ARL15: variants seen among roughly 807,000 people sequenced by gnomAD.
The protein encoded by ARL15 is ARF like GTPase 15, also known as ADP-ribosylation factor-like protein 15.
In ARL15, 19 loss-of-function variants were observed where a neutral mutation model predicts 25.2. The observed-to-expected ratio is 0.75, with a 90% confidence interval of 0.53 to 1.10. The LOEUF (loss-of-function observed/expected upper bound fraction) is 1.10. ARL15 is among the 50% of genes least tolerant of loss of function. The pLI is 0.00. For synonymous variants in ARL15, 94 were observed against 86.8 expected, an observed-to-expected ratio of 1.08 and a Z score of -0.46; for missense variants, 220 against 246.0, an observed-to-expected ratio of 0.89 and a Z score of 0.71.
chr5:54,217,791 T>C (rs923070934), intron 1 of ARL15, among the ~76,000 whole-genome samples: 4 of 152,184 alleles, frequency 2.6e-5, no homozygotes, highest in African/African-American at 9.6e-5. Context: ...AACCATTTTA[T>C]ATATTTATAT....
chr5:54,086,701 G>A (rs573075103), intron 4 of ARL15, among the ~76,000 whole-genome samples: 46 of 152,076 alleles, frequency 3.0e-4, no homozygotes, highest in Admixed American at 8.5e-4. Flanking sequence ...ACACTGGTCC[G>A]CTATACTAGA....
At chr5:54,234,391 A>G (rs1756748562) in intron 1 of ARL15, among the ~76,000 whole-genome samples, 1 of 152,114 alleles carries the variant, frequency 6.6e-6, no homozygotes, top group African/African-American at 2.4e-5. Flanking sequence ...GCTATTTGGG[A>G]GCCTTAATAA....
At chr5:53,981,052 A>T (rs1031478866) in intron 4 of ARL15, among the ~76,000 whole-genome samples, 2 of 152,292 alleles carry the variant, frequency 1.3e-5, no homozygotes, top group Admixed American at 1.3e-4. Flanking sequence ...AAGGAACCCG[A>T]CTGCACAGGG....
At chr5:53,909,471 C>A (rs1448708057) in intron 4 of ARL15, among the ~76,000 whole-genome samples, 2 of 152,236 alleles carry the variant, frequency 1.3e-5, no homozygotes, top group East Asian at 3.8e-4. Context: ...CTTAGGGAGG[C>A]CGAGGTGGGC....
At chr5:54,010,457 GACAA>G (rs1421299346) in intron 4 of ARL15, among the ~76,000 whole-genome samples, 1 of 152,124 alleles carries the variant, frequency 6.6e-6, no homozygotes, top group Non-Finnish European at 1.5e-5. Flanking sequence ...AGACATTCAA[GACAA>G]ACAGTCTCAA....
chr5:53,944,025 T>C lies in ARL15; in HGVS notation c.463-57312A>G, dbSNP rs549770990. On this transcript the variant is annotated intron_variant, in intron 4 of 4. Coordinates refer to ENST00000504924, the MANE Select transcript of ARL15 (RefSeq NM_019087.3). The stretch of plus-strand genomic sequence containing the variant: ...TCTCAACTCTGGACCCCATGTTACA[T>C]GGGCATGGGAGATAAAAATCACAGC... Among the ~76,000 whole-genome samples the C allele has an allele frequency of 1.1e-4, 17 of 152,276 alleles. No homozygotes were observed. In the East Asian group the frequency reaches 2.3e-3, roughly 21 times the overall value.
chr5:53,900,901 A>G (rs1176945630), intron 4 of ARL15, among the ~76,000 whole-genome samples: 1 of 152,238 alleles, frequency 6.6e-6, no homozygotes, highest in East Asian at 1.9e-4. Context: ...CCTGGAAAAG[A>G]GAACCACTCC....
chr5:54,048,342 C>T (rs1750591429), intron 4 of ARL15: 1 of 150,016 alleles, frequency 6.7e-6, no homozygotes, highest in South Asian at 2.1e-4. Context: ...CTTTCATACT[C>T]AATTACCTTT....
chr5:54,045,951 C>T (rs2111966373), intron 4 of ARL15, among the ~76,000 whole-genome samples: 1 of 152,280 alleles, frequency 6.6e-6, no homozygotes, highest in East Asian at 1.9e-4. Context: ...CCTATGACTG[C>T]TTTCTTTCCT....
chr5:53,942,554 C>T (rs976244199), intron 4 of ARL15, among the ~76,000 whole-genome samples: 2 of 147,174 alleles, frequency 1.4e-5, no homozygotes, highest in Admixed American at 6.8e-5. Flanking sequence ...GAGACCATCC[C>T]GGCCAACATG....
At chr5:54,110,271 G>A (rs533065549) in intron 4 of ARL15, among the ~76,000 whole-genome samples, 1 of 152,010 alleles carries the variant, frequency 6.6e-6, no homozygotes, top group East Asian at 1.9e-4. Context: ...CTGATAATTT[G>A]ACTTTCTCTT....
chr5:54,095,341 AATTACCAGAAT>A (rs2112158824), intron 4 of ARL15, among the ~76,000 whole-genome samples: 1 of 152,296 alleles, frequency 6.6e-6, no homozygotes, highest in East Asian at 1.9e-4. Context: ...AATGGCTAAC[AATTACCAGAAT>A]ATGACACGTT....
chr5:53,907,157 AT>A (rs1745272141), intron 4 of ARL15, among the ~76,000 whole-genome samples: 1 of 151,918 alleles, frequency 6.6e-6, no homozygotes, highest in African/African-American at 2.4e-5. Flanking sequence ...CTTACTTTTC[AT>A]TTAACTACTA....
At chr5:54,214,007 A>G (rs1368625093) in intron 1 of ARL15, among the ~76,000 whole-genome samples, 1 of 152,178 alleles carries the variant, frequency 6.6e-6, no homozygotes, top group African/African-American at 2.4e-5. Flanking sequence ...GTCTTTTAAA[A>G]CAGGCCAAAA....
intron 4 of ARL15, among the ~76,000 whole-genome samples, chr5:53,909,642 G>T (rs1048390848): frequency 2.0e-5 from 3 of 152,222 alleles, no homozygotes; most frequent in Non-Finnish European, 4.4e-5. Flanking sequence ...GTAGGCGGAG[G>T]CTGTGGTGAG....
At chr5:54,079,967 TCACACACACACACACACACACACACACA>T (rs58908566) in intron 4 of ARL15, among the ~76,000 whole-genome samples, 1 of 124,304 alleles carries the variant, frequency 8.0e-6, no homozygotes, top group Non-Finnish European at 1.7e-5. Flanking sequence ...TGAGACTCCG[TCACACACACACACACACACACACACACA>T]CACACACACA....
intron 1 of ARL15, among the ~76,000 whole-genome samples, chr5:54,202,422 T>C (rs1296814730): frequency 6.6e-6 from 1 of 152,106 alleles, no homozygotes; most frequent in Non-Finnish European, 1.5e-5. Context: ...GGAGATGGCA[T>C]TGTAAGAAAG....
chr5:54,262,068 A>G (rs1757509351), intron 1 of ARL15, among the ~76,000 whole-genome samples: 1 of 152,160 alleles, frequency 6.6e-6, no homozygotes, highest in Non-Finnish European at 1.5e-5. Context: ...GTTAAGGGCC[A>G]TTTCTCGGAA....
intron 1 of ARL15, among the ~76,000 whole-genome samples, chr5:54,209,425 A>G (rs1462105865): frequency 2.6e-5 from 4 of 152,044 alleles, no homozygotes; most frequent in East Asian, 1.9e-4. Context: ...GAAGGGAGGG[A>G]AGGAAGAAGA....
Sources: allele counts gnomAD v4.1 joint callset (sites outside exome capture counted in the v4.1 genomes callset), GRCh38; gene constraint gnomAD v4.1.1; transcripts MANE v1.5; gene names NCBI Gene and HGNC (gene_info 2026-07-23, HGNC 2026-07-21).